Variants in CAMSAP1 observed in about 807,000 individuals in gnomAD.
The protein encoded by CAMSAP1 is calmodulin-regulated spectrin-associated protein 1.
In CAMSAP1, 58 loss-of-function variants were observed where a neutral mutation model predicts 143.5. The observed-to-expected ratio is 0.40, with a 90% CI of 0.33 to 0.50. The LOEUF (loss-of-function observed/expected upper bound fraction) is 0.50, where lower values mean the gene tolerates loss of function less well. Among genes scored for constraint, CAMSAP1 ranks in the 20% least tolerant of loss-of-function variants. The pLI is 0.45. For missense variants in CAMSAP1, 1,969 were observed against 2,115.7 expected (o/e 0.93, Z 1.36); for synonymous variants, 945 against 859.3 (o/e 1.10, Z -1.74).
In CAMSAP1 at chr9:135,882,824, T is replaced by C; in HGVS notation, c.415A>G (p.Ile139Val). 2 of 1,549,780 alleles carry C rather than the reference T, an allele frequency of 1.3e-6. No individual in the cohort carries two copies. The highest frequency in any genetic ancestry group is 1.7e-6 in the Non-Finnish European group (2 of 1,146,372). The part of the protein sequence containing the change: ...VTESDLSRAP[I>V]KMSAHMAMVD... ...CACCGCAGACCACTCACCATTTTTA[T>C]GGGTGCGCGACTGAGGTCGGACTCT... The change falls in exon 2 of 17, where the codon ATA (isoleucine) becomes GTA (valine). Residue 139 changes from isoleucine to valine, a missense_variant. Transcript: ENST00000389532. This position sits in a 1 kb window ranked among gnomAD's most constrained non-coding sequence, Gnocchi z 4.9.
chr9:135,902,649 T>C (rs1205183404), intron 1 of CAMSAP1, among the ~76,000 whole-genome samples: 2 of 152,256 alleles, frequency 1.3e-5, no homozygotes, highest in East Asian at 3.8e-4. Flanking sequence ...ATCATGAAAC[T>C]GCTGGTCCCT....
rs1834941880 is a variant in CAMSAP1 at position 135,808,933 on chromosome 9, T to C, written c.*2376A>G. 1 of 152,228 alleles carries C rather than the reference T, an allele frequency of 6.6e-6. No individual in the cohort carries two copies. The highest frequency in any genetic ancestry group is 2.4e-5 in the African/African-American group (1 of 41,448). The allele number at this position is 152,228 out of a possible 1,614,324, so 9.4% of individuals were successfully genotyped here. A position where few individuals can be genotyped will look rare whatever the true frequency, so the allele number is the denominator to read the frequency against. On this transcript the variant is annotated 3_prime_UTR_variant, in exon 17 of 17. Transcript: ENST00000389532. ...TTATATCCTAAATGGGTAGAGCAGC[T>C]TGTCTTAAATAACAAGGTTAGAATT...
At chr9:135,877,483 A>T (rs1837791606) in intron 3 of CAMSAP1, among the ~76,000 whole-genome samples, 1 of 147,182 alleles carries the variant, frequency 6.8e-6, no homozygotes, top group South Asian at 2.1e-4. Context: ...AATACATCTC[A>T]GTAGAGCTGT....
At chr9:135,865,341 C>T (rs1837336964) in intron 4 of CAMSAP1, 1 of 1,550,654 alleles carries the variant, frequency 6.4e-7, no homozygotes, top group Non-Finnish European at 8.7e-7. Flanking sequence ...CAGGCACTAA[C>T]TTCCAATACC....
Position 135,822,194 on chromosome 9 carries a change from G to T in CAMSAP1, c.2467C>A (p.Gln823Lys), listed in dbSNP as rs1357733382. 6.2e-7 allele frequency: 1 copy of T among 1,613,944 alleles called. No homozygotes were observed. Among genetic ancestry groups the T allele is most frequent in the East Asian group, 2.2e-5 (1 of 44,882 alleles). The stretch of plus-strand genomic sequence containing the variant: ...TTGGTCTCACAGCTGTTGAGTCTCT[G>T]GAGCTTCCTCTCCGCAAAGCTGGTC... ...KMTSFAERKLQRLNSCETKSS... is the reference protein window; with the variant it reads ...KMTSFAERKLKRLNSCETKSS... The change falls in exon 11 of 17, where the codon CAG (glutamine) becomes AAG (lysine). Residue 823 changes from glutamine to lysine, a missense_variant. Around this residue, in one of 4 missense-constraint regions of CAMSAP1, gnomAD observed 1,390 missense variants for 1,420.8 expected, o/e 0.98. Coordinates refer to ENST00000389532, the MANE Select transcript of CAMSAP1 (RefSeq NM_015447.4). The surrounding 1 kb of genome is among the most constrained non-coding windows in gnomAD (Gnocchi z 6.1).
chr9:135,847,575 AGCCATCATT>A (rs1836600996), intron 7 of CAMSAP1, among the ~76,000 whole-genome samples: 1 of 151,016 alleles, frequency 6.6e-6, no homozygotes, highest in Admixed American at 6.6e-5. Flanking sequence ...TGAAGCTGGA[AGCCATCATT>A]CTCAGCAAAC....
rs1221869521 is a variant in CAMSAP1, at chr9:135,822,662, T to C, written c.1999A>G (p.Thr667Ala). ...EFPMGIDPTE[T>A]GPLSVETAGE... Reference sequence around the variant, plus strand: ...GCGGTTTCCACTGACAGTGGTCCTGTCTCGGTGGGGTCGATGCCCATGGGG... The same window carrying C: ...GCGGTTTCCACTGACAGTGGTCCTGCCTCGGTGGGGTCGATGCCCATGGGG... The change falls in exon 11 of 17, where the codon ACA (threonine) becomes GCA (alanine). Residue 667 changes from threonine to alanine, a missense_variant. By Grantham distance (58) the Thr-to-Ala change is moderately conservative. Transcript: ENST00000389532. This position sits in a 1 kb window ranked among gnomAD's most constrained non-coding sequence, Gnocchi z 6.1. The C allele has an allele frequency of 6.2e-7, 1 of 1,609,540 alleles. No homozygotes were observed. Among genetic ancestry groups the C allele is most frequent in the African/African-American group, 1.3e-5 (1 of 74,592 alleles).
rs1254576988 is a variant in CAMSAP1 at position 135,822,422 on chromosome 9, C to T, written c.2239G>A (p.Glu747Lys). Residue 747 changes from glutamate (E) to lysine (K), a missense_variant, in exon 11 of 17, where the codon GAA (glutamate) becomes AAA (lysine). Around this residue, in one of 4 missense-constraint regions of CAMSAP1, gnomAD observed 1,390 missense variants for 1,420.8 expected, o/e 0.98. Coordinates refer to ENST00000389532, the MANE Select transcript of CAMSAP1 (RefSeq NM_015447.4). The surrounding 1 kb of genome is among the most constrained non-coding windows in gnomAD (Gnocchi z 6.1). ...DSDSDVVDIE[E>K]AEHDFMGEAH... Reference sequence around the variant, plus strand: ...TCACCCATGAAATCGTGCTCGGCTTCCTCTATGTCCACCACATCCGAGTCA... The same window carrying T: ...TCACCCATGAAATCGTGCTCGGCTTTCTCTATGTCCACCACATCCGAGTCA... 29 of 1,613,910 alleles carry T rather than the reference C, an allele frequency of 1.8e-5. No homozygotes were observed. Among genetic ancestry groups the T allele is most frequent in the Non-Finnish European group, 2.5e-5 (29 of 1,179,920 alleles).
In CAMSAP1 at chr9:135,882,609, A is replaced by G. The variant is rs138418562; in HGVS notation, c.423+207T>C. ...GCATTCCCAATGAGAAAAAGAGCTC[A>G]ATGAAAGCTCTCTTTTCCCCATTCT... On this transcript the variant is annotated intron_variant, in intron 2 of 16. Transcript: ENST00000389532. The surrounding 1 kb of genome is among the most constrained non-coding windows in gnomAD (Gnocchi z 4.9). 1.3e-5 allele frequency among the ~76,000 whole-genome samples: 2 copies of G among 152,368 alleles called. No individual in the cohort carries two copies. The highest frequency in any genetic ancestry group is 2.4e-5 in the African/African-American group (1 of 41,596).
chr9:135,821,347 G>A lies in CAMSAP1; in HGVS notation c.3314C>T (p.Ala1105Val), dbSNP rs140696174. 50 of 1,613,596 alleles carry A rather than the reference G, an allele frequency of 3.1e-5. No homozygotes were observed. Among genetic ancestry groups the A allele is most frequent in the Middle Eastern group, 1.7e-4 (1 of 6,046 alleles). Residue 1105 changes from alanine to valine, a missense_variant, in exon 11 of 17, where the codon GCG (alanine) becomes GTG (valine). By Grantham distance (64) the Ala-to-Val change is moderately conservative. This residue lies in a region of CAMSAP1 where 1,390 missense variants were observed against 1,420.8 expected (regional missense o/e 0.98). Transcript: ENST00000389532. The surrounding 1 kb of genome is among the most constrained non-coding windows in gnomAD (Gnocchi z 4.6). ...CCTGTCTTTTGGGACCTTCAGCTCC[G>A]CCGGCCTTCCGGAACGGGAATTCCG... ...QGRNSRSGRP[A>V]ELKVPKDRPQ... is the part of the protein sequence containing the mutation.
At chr9:135,900,871 C>T (rs898229247) in intron 1 of CAMSAP1, among the ~76,000 whole-genome samples, 2 of 152,032 alleles carry the variant, frequency 1.3e-5, no homozygotes, top group Admixed American at 1.3e-4. Flanking sequence ...TCGTCTGCCT[C>T]AGCCTCCTGA....
chr9:135,906,197 C>G (rs1371427255), intron 1 of CAMSAP1, among the ~76,000 whole-genome samples: 2 of 152,244 alleles, frequency 1.3e-5, no homozygotes, highest in Non-Finnish European at 1.5e-5. Context: ...TCTGGAAGGG[C>G]TGTCTCCTTT....
rs530582984 is a variant in CAMSAP1, at chr9:135,837,196, A to C, written c.1046-9612T>G. On this transcript the variant is annotated intron_variant, in intron 7 of 16. Transcript: ENST00000389532. ...ACACATCATCACGCACTTTCTACCC[A>C]TTCCAGAGACACACGTCACCACGGA... is the stretch of plus-strand genomic sequence containing the variant. Among the ~76,000 whole-genome samples the C allele has an allele frequency of 1.1e-4, 14 of 132,886 alleles. No homozygotes were observed. In the South Asian group the frequency reaches 2.0e-3, roughly 19 times the overall value. 87.2% of individuals were successfully genotyped at this position (132,886 alleles called of 152,430 possible). A position where few individuals can be genotyped will look rare whatever the true frequency, so the allele number is the denominator to read the frequency against.
intron 1 of CAMSAP1, among the ~76,000 whole-genome samples, chr9:135,902,686 AC>A (rs1564465506): frequency 6.6e-6 from 1 of 152,232 alleles, no homozygotes; most frequent in Non-Finnish European, 1.5e-5. Flanking sequence ...CCCAGGCTTC[AC>A]AGGCCACAGC....
intron 5 of CAMSAP1, 53 bp from the exon 6 acceptor site, chr9:135,850,514 A>T: frequency 7.1e-7 from 1 of 1,403,976 alleles, no homozygotes; most frequent in Non-Finnish European, 9.6e-7. Context: ...CTGCTTCGAG[A>T]GAGAGAGAAG....
rs1452067212 is a variant in CAMSAP1 at position 135,907,316 on chromosome 9, C to CCGCCGT, written c.-163_-158dup. 7.9e-6 allele frequency: 2 copies of CCGCCGT among 252,398 alleles called. No individual in the cohort carries two copies. The highest frequency in any genetic ancestry group is 1.8e-4 in the East Asian group (1 of 5,618). 15.6% of individuals were successfully genotyped at this position (252,398 alleles called of 1,614,324 possible). On this transcript the variant is annotated 5_prime_UTR_variant, in exon 1 of 17. Coordinates refer to ENST00000389532, the MANE Select transcript of CAMSAP1 (RefSeq NM_015447.4). ...CGGCCCCCGCCTCACCTCACAGCCG[C>CCGCCGT]CGCCGTCGCCGCCCCCGCGGCTGCT...
At chr9:135,894,579 A>G (rs1010389297) in intron 1 of CAMSAP1, among the ~76,000 whole-genome samples, 6 of 152,210 alleles carry the variant, frequency 3.9e-5, no homozygotes, top group Non-Finnish European at 8.8e-5. Context: ...TGGAAGCCCC[A>G]GGGGAGAGGC....
At position 135,866,181 on chromosome 9, in the gene CAMSAP1, C is replaced by G. The variant is rs928318192; in HGVS notation, c.666+275G>C. Reference sequence around the variant, plus strand: ...GAAGCTAGCACCCAGGTGGGCCCTACGTCCCTCACTCAAGCTTCCCAATTC... The same window carrying G: ...GAAGCTAGCACCCAGGTGGGCCCTAGGTCCCTCACTCAAGCTTCCCAATTC... On this transcript the variant is annotated intron_variant, in intron 4 of 16. Coordinates refer to ENST00000389532, the MANE Select transcript of CAMSAP1 (RefSeq NM_015447.4). Among the ~76,000 whole-genome samples, 5 of 152,314 alleles carry G rather than the reference C, an allele frequency of 3.3e-5. No homozygotes were observed. The South Asian group carries it at 1.0e-3, about 32-fold the overall frequency.
intron 10 of CAMSAP1, among the ~76,000 whole-genome samples, chr9:135,823,488 G>A (rs1466368871): frequency 6.6e-6 from 1 of 152,174 alleles, no homozygotes; most frequent in African/African-American, 2.4e-5. Context: ...AATTACTGAG[G>A]ACCTCAAAGA....
Sources: gnomAD v4.1 joint callset for allele counts (sites outside exome capture counted in the v4.1 genomes callset) on GRCh38, gnomAD v4.1.1 for gene constraint, gnomAD v4.1.1 regional missense constraint, Gnocchi (gnomAD v3.1) non-coding constraint, MANE v1.5 for transcripts, NCBI Gene and HGNC (gene_info 2026-07-23, HGNC 2026-07-21) for gene names.